Variants in GRID2 observed in about 807,000 individuals in gnomAD.
GRID2 encodes glutamate receptor ionotropic, delta-2.
Under a neutral mutation model 114.8 loss-of-function variants are expected in GRID2, and 33 were observed. The ratio of observed to expected loss-of-function variants is 0.29; its 90% confidence interval spans 0.22 to 0.38. The LOEUF is 0.38. Ranked by LOEUF, GRID2 falls within the 10% of genes least tolerant of loss-of-function variation. GRID2 has a pLI of 1.00. For missense variants in GRID2, 1,184 were observed against 1,257.7 expected, an observed-to-expected ratio of 0.94 and a Z score of 0.89; for synonymous variants, 505 against 449.9, an observed-to-expected ratio of 1.12 and a Z score of -1.55.
chr4:93,458,237 A>G (rs1336128389), intron 11 of GRID2, among the ~76,000 whole-genome samples: 1 of 152,206 alleles, frequency 6.6e-6, no homozygotes, highest in African/African-American at 2.4e-5. Context: ...ATCAAATGAA[A>G]TTAAGGCTTG....
At chr4:92,521,173 G>A (rs1200436171) in intron 1 of GRID2, among the ~76,000 whole-genome samples, 3 of 151,810 alleles carry the variant, frequency 2.0e-5, no homozygotes, top group East Asian at 3.9e-4. Context: ...GTAGTAATCA[G>A]CATATCATTT....
chr4:93,168,550 AAATT>A (rs1738483392), intron 4 of GRID2, among the ~76,000 whole-genome samples: 1 of 152,112 alleles, frequency 6.6e-6, no homozygotes. Flanking sequence ...GGGATTCCAT[AAATT>A]AATTTATTAG....
intron 2 of GRID2, among the ~76,000 whole-genome samples, chr4:92,747,654 G>A (rs1418292449): frequency 1.3e-5 from 2 of 151,986 alleles, no homozygotes; most frequent in Non-Finnish European, 2.9e-5. Flanking sequence ...TATTATACAA[G>A]AAAAGAGACT....
At chr4:92,353,364 C>A (rs528985653) in intron 1 of GRID2, among the ~76,000 whole-genome samples, 1 of 151,678 alleles carries the variant, frequency 6.6e-6, no homozygotes, top group African/African-American at 2.4e-5. Context: ...TACTTTCTTC[C>A]TTTGAATGGC....
At chr4:93,391,364 T>TTTTA (rs1178843440) in intron 8 of GRID2, among the ~76,000 whole-genome samples, 30 of 152,316 alleles carry the variant, frequency 2.0e-4, no homozygotes, top group East Asian at 5.8e-4. Context: ...TCTAAGTGGC[T>TTTTA]GGCTTTTAAG....
At chr4:92,793,552 T>TA (rs530359413) in intron 2 of GRID2, among the ~76,000 whole-genome samples, 2,781 of 144,460 alleles carry the variant, frequency 0.019, 81 homozygotes, top group African/African-American at 0.065. Context: ...AAATAAAAAT[T>TA]AAAAAAAAAA....
chr4:93,660,672 A>G (rs1014220568), intron 14 of GRID2, among the ~76,000 whole-genome samples: 1 of 152,236 alleles, frequency 6.6e-6, no homozygotes, highest in Non-Finnish European at 1.5e-5. Flanking sequence ...GAGATCTTAT[A>G]TGACTTGCAA....
chr4:92,733,472 G>A (rs192019540), intron 2 of GRID2, among the ~76,000 whole-genome samples: 81 of 152,158 alleles, frequency 5.3e-4, no homozygotes, highest in Middle Eastern at 6.8e-3. Flanking sequence ...GACAGGGTTG[G>A]GGAGGTAGTC....
At chr4:93,612,132 A>T (rs1289184686) in intron 13 of GRID2, among the ~76,000 whole-genome samples, 1 of 151,612 alleles carries the variant, frequency 6.6e-6, no homozygotes, top group African/African-American at 2.4e-5. Context: ...TAGGATTGCA[A>T]CCCCTGCCTT....
intron 2 of GRID2, among the ~76,000 whole-genome samples, chr4:92,986,399 C>T (rs973012730): frequency 3.3e-5 from 5 of 152,112 alleles, no homozygotes; most frequent in African/African-American, 1.2e-4. Context: ...TGAGGGTCTA[C>T]TTTATACCTC....
intron 2 of GRID2, among the ~76,000 whole-genome samples, chr4:92,664,860 G>A (rs1732692444): frequency 1.3e-5 from 2 of 150,504 alleles, no homozygotes; most frequent in Admixed American, 6.7e-5. Flanking sequence ...ATCTCTTTTG[G>A]TTACTATTTG....
chr4:92,551,297 T>C (rs1324296688), intron 1 of GRID2, among the ~76,000 whole-genome samples: 1 of 146,800 alleles, frequency 6.8e-6, no homozygotes, highest in African/African-American at 2.6e-5. Flanking sequence ...TGTACACGCA[T>C]TTCTTATGTC....
intron 2 of GRID2, among the ~76,000 whole-genome samples, chr4:92,809,188 G>A (rs116772632): frequency 1.3e-3 from 200 of 151,986 alleles, no homozygotes; most frequent in African/African-American, 4.7e-3. Flanking sequence ...ATAGCATGTA[G>A]TAGTATTTAA....
chr4:93,722,659 T>C (rs954799404), intron 14 of GRID2, among the ~76,000 whole-genome samples: 1 of 152,204 alleles, frequency 6.6e-6, no homozygotes, highest in African/African-American at 2.4e-5. Flanking sequence ...CCCATATTTA[T>C]GGATCACTTC....
chr4:93,070,733 A>G (rs2149304693), intron 2 of GRID2, among the ~76,000 whole-genome samples: 1 of 152,218 alleles, frequency 6.6e-6, no homozygotes, highest in East Asian at 1.9e-4. Flanking sequence ...TTCTTCTGCC[A>G]ATTTTAAAAT....
At position 93,788,717 on chromosome 4, in the gene GRID2, G is replaced by A. The variant is rs552640185; in HGVS notation, c.222-17998G>A. On this transcript the variant is annotated intron_variant, in intron 1 of 1. Coordinates refer to the GRID2 transcript ENST00000637838. The stretch of plus-strand genomic sequence containing the variant: ...GGTAATTAATCTAAGGGTCTCCTAT[G>A]CGGTAGAATAACTATCACAACTTAA... Among the ~76,000 whole-genome samples the A allele has an allele frequency of 6.7e-4, 102 of 152,284 alleles. 1 individual carries two copies. The highest frequency in any genetic ancestry group is 2.4e-3 in the African/African-American group (99 of 41,558).
At chr4:92,906,974 T>A (rs903772827) in intron 2 of GRID2, among the ~76,000 whole-genome samples, 1 of 152,124 alleles carries the variant, frequency 6.6e-6, no homozygotes, top group Non-Finnish European at 1.5e-5. Context: ...AGAATCAACA[T>A]CTTATGATCC....
intron 1 of GRID2, among the ~76,000 whole-genome samples, chr4:92,385,143 G>T (rs1729881159): frequency 6.6e-6 from 1 of 151,608 alleles, no homozygotes; most frequent in Non-Finnish European, 1.5e-5. Flanking sequence ...TATAAATGTT[G>T]ATATTTATAA....
chr4:92,334,974 T>C (rs1312675959), intron 1 of GRID2, among the ~76,000 whole-genome samples: 3 of 152,182 alleles, frequency 2.0e-5, no homozygotes, highest in African/African-American at 7.2e-5. Flanking sequence ...AGCCAATAAT[T>C]TTCTGTTCAA....
Sources: allele counts gnomAD v4.1 joint callset (sites outside exome capture counted in the v4.1 genomes callset), GRCh38; gene constraint gnomAD v4.1.1; transcripts MANE v1.5; gene names NCBI Gene and HGNC (gene_info 2026-07-23, HGNC 2026-07-21).